Variants in ONECUT3 observed in about 807,000 individuals in gnomAD.
ONECUT3 encodes one cut homeobox 3, also known as one cut domain family member 3.
A neutral mutation model predicts 16.8 loss-of-function variants in ONECUT3; 11 were observed. That is an observed-to-expected ratio of 0.66 (90% CI 0.41 to 1.09). ONECUT3 has a LOEUF of 1.09. Among genes scored for constraint, ONECUT3 ranks in the 50% least tolerant of loss-of-function variants. The pLI is 0.00. For missense variants in ONECUT3, 637 were observed against 629.9 expected (o/e 1.01, Z -0.12); for synonymous variants, 344 against 310.7 (o/e 1.11, Z -1.13).
rs1435874364 is a variant in ONECUT3 at position 1,764,751 on chromosome 19, A to T, written c.1192+9897A>T. On this transcript the variant is annotated intron_variant, in intron 1 of 1. Transcript: ENST00000382349. The surrounding 1 kb of genome is among the most constrained non-coding windows in gnomAD (Gnocchi z 5.0). ...CCCGGGCCCCCCACAGTAACTGGAC[A>T]TGTGACCTTGGGCAAGTCACCCACT... 7.0e-6 allele frequency among the ~76,000 whole-genome samples: 1 copy of T among 142,624 alleles called. No individual in the cohort carries two copies. The highest frequency in any genetic ancestry group is 1.5e-5 in the Non-Finnish European group (1 of 66,126). 93.6% of individuals were successfully genotyped at this position (142,624 alleles called of 152,430 possible).
chr19:1,767,054 G>A lies in ONECUT3; in HGVS notation c.1193-8099G>A, dbSNP rs142105300. Among the ~76,000 whole-genome samples, 243 of 152,170 alleles carry A rather than the reference G, an allele frequency of 1.6e-3. 2 individuals carry two copies. The highest frequency in any genetic ancestry group is 5.2e-3 in the African/African-American group (214 of 41,508). On this transcript the variant is annotated intron_variant, in intron 1 of 1. Coordinates refer to ENST00000382349, the MANE Select transcript of ONECUT3 (RefSeq NM_001080488.2). ...ATTGCTCCTGGGCGTTGAGGAATGT[G>A]TAGGAGTTCTCTGGCTGGAGTGACC... is the stretch of plus-strand genomic sequence containing the variant.
Position 1,766,292 on chromosome 19 carries a change from C to T in ONECUT3, c.1193-8861C>T, listed in dbSNP as rs1357112617. On this transcript the variant is annotated intron_variant, in intron 1 of 1. Transcript: ENST00000382349. This position sits in a 1 kb window ranked among gnomAD's most constrained non-coding sequence, Gnocchi z 4.0. ...ACACCCGATGGTGGACGGAGGCTGG[C>T]ACCCTCAGCCCGCACGCGGCCAACG... Among the ~76,000 whole-genome samples the T allele has an allele frequency of 6.6e-6, 1 of 152,180 alleles. No homozygotes were observed. Among genetic ancestry groups the T allele is most frequent in the African/African-American group, 2.4e-5 (1 of 41,444 alleles).
rs933410092 is a variant in ONECUT3 at position 1,754,878 on chromosome 19, A to G, written c.1192+24A>G. ...AGGTAGGAGCGTGGCGCGCAGGGCC[A>G]GACCCTGGGGGCGCCGGCTCTGGAC... On this transcript the variant is annotated intron_variant, in intron 1 of 1. Coordinates refer to ENST00000382349, the MANE Select transcript of ONECUT3 (RefSeq NM_001080488.2). The surrounding 1 kb of genome is among the most constrained non-coding windows in gnomAD (Gnocchi z 7.4). 126 of 1,394,062 alleles carry G rather than the reference A, an allele frequency of 9.0e-5. No homozygotes were observed. Among genetic ancestry groups the G allele is most frequent in the Non-Finnish European group, 1.1e-4 (114 of 1,062,560 alleles). The allele number at this position is 1,394,062 out of a possible 1,614,324, so 86.4% of individuals were successfully genotyped here.
intron 1 of ONECUT3, among the ~76,000 whole-genome samples, chr19:1,772,833 A>G (rs2068068398): frequency 1.4e-5 from 2 of 145,394 alleles, no homozygotes; most frequent in African/African-American, 2.6e-5. Context: ...AGCTGGGATT[A>G]CAGGCATGCA....
rs1423008196 is a variant in ONECUT3, at chr19:1,766,748, C to G, written c.1193-8405C>G. 6.6e-6 allele frequency among the ~76,000 whole-genome samples: 1 copy of G among 152,006 alleles called. No individual in the cohort carries two copies. The highest frequency in any genetic ancestry group is 1.9e-4 in the East Asian group (1 of 5,166). Reference sequence around the variant, plus strand: ...ACTCGGGGAGCCCCACTGTCCCACCCGGCGCTCCAGGGCAGTGGCTACTGG... The same window carrying G: ...ACTCGGGGAGCCCCACTGTCCCACCGGGCGCTCCAGGGCAGTGGCTACTGG... On this transcript the variant is annotated intron_variant, in intron 1 of 1. Transcript: ENST00000382349. This position sits in a 1 kb window ranked among gnomAD's most constrained non-coding sequence, Gnocchi z 4.0.
rs1035758831 is a variant in ONECUT3, at chr19:1,766,504, G to C, written c.1193-8649G>C. ...GAAGTGAGGGAAGGAAGGGGAAGAG[G>C]GGAGGGAGGTAAAGAGAGGGAGGGA... is the stretch of plus-strand genomic sequence containing the variant. On this transcript the variant is annotated intron_variant, in intron 1 of 1. Coordinates refer to ENST00000382349, the MANE Select transcript of ONECUT3 (RefSeq NM_001080488.2). The surrounding 1 kb of genome is among the most constrained non-coding windows in gnomAD (Gnocchi z 4.0). 6.6e-6 allele frequency among the ~76,000 whole-genome samples: 1 copy of C among 151,758 alleles called. No homozygotes were observed. Among genetic ancestry groups the C allele is most frequent in the Admixed American group, 6.6e-5 (1 of 15,234 alleles).
rs944090500 is a variant in ONECUT3, at chr19:1,758,958, A to G, written c.1192+4104A>G. 6.6e-6 allele frequency among the ~76,000 whole-genome samples: 1 copy of G among 152,226 alleles called. No homozygotes were observed. The highest frequency in any genetic ancestry group is 2.4e-5 in the African/African-American group (1 of 41,450). ...ATACGTATATAGATAATACAAAGTTAGATGGAGGTGGTTGAAAGAAGGGCC... is the reference window on the plus strand; with the variant it reads ...ATACGTATATAGATAATACAAAGTTGGATGGAGGTGGTTGAAAGAAGGGCC... On this transcript the variant is annotated intron_variant, in intron 1 of 1. Coordinates refer to ENST00000382349, the MANE Select transcript of ONECUT3 (RefSeq NM_001080488.2). The surrounding 1 kb of genome is among the most constrained non-coding windows in gnomAD (Gnocchi z 5.9).
chr19:1,775,554 AG>A lies in ONECUT3; in HGVS notation c.*114del. On this transcript the variant is annotated 3_prime_UTR_variant, in exon 2 of 2. Coordinates refer to ENST00000382349, the MANE Select transcript of ONECUT3 (RefSeq NM_001080488.2). ...AGACCCGCCCCCAGGGGGCACCTGGAGGGGGTGCTATCCGGGCCCCCCACAC... is the reference window on the plus strand; with the variant it reads ...AGACCCGCCCCCAGGGGGCACCTGGAGGGGTGCTATCCGGGCCCCCCACAC... The A allele has an allele frequency of 3.5e-6, 4 of 1,151,796 alleles. No homozygotes were observed. Among genetic ancestry groups the A allele is most frequent in the Non-Finnish European group, 4.6e-6 (4 of 864,724 alleles). 71.3% of individuals were successfully genotyped at this position (1,151,796 alleles called of 1,614,324 possible). A position where few individuals can be genotyped will look rare whatever the true frequency, so the allele number is the denominator to read the frequency against.
rs189487155 is a variant in ONECUT3, at chr19:1,762,022, C to A, written c.1192+7168C>A. On this transcript the variant is annotated intron_variant, in intron 1 of 1. Coordinates refer to ENST00000382349, the MANE Select transcript of ONECUT3 (RefSeq NM_001080488.2). The surrounding 1 kb of genome is among the most constrained non-coding windows in gnomAD (Gnocchi z 4.4). ...ACAAGTGTAGACGCACCCGGAGACA[C>A]GTGTGTAGACGCCTCCGTTCACACT... Among the ~76,000 whole-genome samples, 102 of 152,246 alleles carry A rather than the reference C, an allele frequency of 6.7e-4. No individual in the cohort carries two copies. The highest frequency in any genetic ancestry group is 2.4e-3 in the African/African-American group (99 of 41,536).
Position 1,755,496 on chromosome 19 carries a change from G to T in ONECUT3, c.1192+642G>T, listed in dbSNP as rs2067911994. On this transcript the variant is annotated intron_variant, in intron 1 of 1. Transcript: ENST00000382349. This position sits in a 1 kb window ranked among gnomAD's most constrained non-coding sequence, Gnocchi z 7.5. ...CAAAGGTCACCCGAGAATGGCGGGGGAGGGGCGGCCCCGGGGACCCTCGGC... is the reference window on the plus strand; with the variant it reads ...CAAAGGTCACCCGAGAATGGCGGGGTAGGGGCGGCCCCGGGGACCCTCGGC... 6.6e-6 allele frequency among the ~76,000 whole-genome samples: 1 copy of T among 152,014 alleles called. No individual in the cohort carries two copies. The highest frequency in any genetic ancestry group is 2.4e-5 in the African/African-American group (1 of 41,398).
rs1403736413 is a variant in ONECUT3, at chr19:1,775,374, C to T, written c.1414C>T (p.Arg472Cys). 1 of 1,414,388 alleles carries T rather than the reference C, an allele frequency of 7.1e-7. No individual in the cohort carries two copies. The highest frequency in any genetic ancestry group is 1.5e-5 in the African/African-American group (1 of 67,772). The allele number at this position is 1,414,388 out of a possible 1,614,324, so 87.6% of individuals were successfully genotyped here. A position where few individuals can be genotyped will look rare whatever the true frequency, so the allele number is the denominator to read the frequency against. The change falls in exon 2 of 2, where the codon CGC becomes TGC. Residue 472 changes from arginine to cysteine, a missense_variant. Around this residue, in one of 3 missense-constraint regions of ONECUT3, gnomAD observed 183 missense variants for 188.3 expected, o/e 0.97. Transcript: ENST00000382349. ...GAACGCGCGGCGCCGCTGCATGAAC[C>T]GCTGGGCTGAGGAGCCCAGCACGGC... is the stretch of plus-strand genomic sequence containing the variant. Reference protein sequence around the residue: ...FMNARRRCMNRWAEEPSTAPG... With the variant: ...FMNARRRCMNCWAEEPSTAPG...
At position 1,778,015 on chromosome 19, in the gene ONECUT3, A is replaced by AAAAAAAAAC. The variant is rs1555801681; in HGVS notation, c.*2573_*2574insAAAAACAAA. The AAAAAAAAAC allele has an allele frequency of 2.1e-5, 3 of 144,768 alleles. No homozygotes were observed. The highest frequency in any genetic ancestry group is 3.0e-5 in the Non-Finnish European group (2 of 65,888). The allele number at this position is 144,768 out of a possible 1,614,324, so 9.0% of individuals were successfully genotyped here. On this transcript the variant is annotated 3_prime_UTR_variant, in exon 2 of 2. Transcript: ENST00000382349. ...CCTCTCAAAAAAAAAAAAAAAAAAA[A>AAAAAAAAAC]AAACTTTAGGTCCAAGAAGATGCAC...
chr19:1,768,791 G>A (rs554681570), intron 1 of ONECUT3, among the ~76,000 whole-genome samples: 1 of 152,120 alleles, frequency 6.6e-6, no homozygotes. Context: ...AAAGGTCATG[G>A]AGGAGGTGTG....
At chr19:1,767,482 T>G (rs935195394) in intron 1 of ONECUT3, among the ~76,000 whole-genome samples, 2 of 152,124 alleles carry the variant, frequency 1.3e-5, no homozygotes, top group South Asian at 2.1e-4. Context: ...CTGGTGTGTG[T>G]GGGCCAAATC....
At chr19:1,756,799 C>T (rs1210786397) in intron 1 of ONECUT3, among the ~76,000 whole-genome samples, 1 of 148,796 alleles carries the variant, frequency 6.7e-6, no homozygotes, top group Non-Finnish European at 1.5e-5. Context: ...CCGCCCGCTT[C>T]TGCCTCCCAA....
chr19:1,761,396 C>A (rs547502959), intron 1 of ONECUT3, among the ~76,000 whole-genome samples: 2 of 152,210 alleles, frequency 1.3e-5, no homozygotes, highest in Non-Finnish European at 2.9e-5. Flanking sequence ...CCTAAGGGAG[C>A]TTTGCATGGC....
At position 1,766,936 on chromosome 19, in the gene ONECUT3, G is replaced by A. The variant is rs1266150445; in HGVS notation, c.1193-8217G>A. Among the ~76,000 whole-genome samples the A allele has an allele frequency of 1.3e-5, 2 of 152,086 alleles. No homozygotes were observed. Among genetic ancestry groups the A allele is most frequent in the Non-Finnish European group, 2.9e-5 (2 of 68,010 alleles). On this transcript the variant is annotated intron_variant, in intron 1 of 1. Coordinates refer to ENST00000382349, the MANE Select transcript of ONECUT3 (RefSeq NM_001080488.2). The surrounding 1 kb of genome is among the most constrained non-coding windows in gnomAD (Gnocchi z 4.0). ...CACAGAAAGATCTCAGGCCCCACGA[G>A]GCTAAAAGGAGGAACAGTGGCCCCT... is the stretch of plus-strand genomic sequence containing the variant.
At chr19:1,756,735 A>T (rs2145956434) in intron 1 of ONECUT3, among the ~76,000 whole-genome samples, 1 of 114,488 alleles carries the variant, frequency 8.7e-6, no homozygotes, top group South Asian at 2.8e-4. Context: ...TTTAGTAGAG[A>T]TGGAGTTTCA....
At chr19:1,775,058 C>T (rs1215105790) in intron 1 of ONECUT3, 95 bp from the exon 2 acceptor site, 5 of 754,588 alleles carry the variant, frequency 6.6e-6, no homozygotes, top group Non-Finnish European at 1.0e-5. Flanking sequence ...CCCTCCTCCT[C>T]ATCCTCCGGG....
Sources: gnomAD v4.1 joint callset for allele counts (sites outside exome capture counted in the v4.1 genomes callset) on GRCh38, gnomAD v4.1.1 for gene constraint, gnomAD v4.1.1 regional missense constraint, Gnocchi (gnomAD v3.1) non-coding constraint, MANE v1.5 for transcripts, NCBI Gene and HGNC (gene_info 2026-07-23, HGNC 2026-07-21) for gene names.